The following MEGF10 variants were observed in gnomAD, a reference collection of about 807,000 sequenced individuals.
The protein encoded by MEGF10 is multiple epidermal growth factor-like domains protein 10.
Under a neutral mutation model 147.5 loss-of-function variants are expected in MEGF10, and 86 were observed. The observed-to-expected ratio is 0.58, with a 90% CI of 0.49 to 0.70. The LOEUF (loss-of-function observed/expected upper bound fraction) is 0.70. MEGF10 is among the 30% of genes least tolerant of loss of function. The pLI, the probability that MEGF10 is intolerant of heterozygous loss-of-function variation, is 0.00. For missense variants in MEGF10, 1,329 were observed against 1,487.3 expected, an observed-to-expected ratio of 0.89 and a Z score of 1.75; for synonymous variants, 478 against 525.5, an observed-to-expected ratio of 0.91 and a Z score of 1.24.
chr5:127,299,234 G>A (rs1759658389), intron 1 of MEGF10, among the ~76,000 whole-genome samples: 2 of 152,178 alleles, frequency 1.3e-5, no homozygotes, highest in Admixed American at 1.3e-4. Flanking sequence ...CCTAAATCAA[G>A]GTCTATGACT....
chr5:127,249,192 A>G, the MEGF10 span, among the ~76,000 whole-genome samples: 2 of 152,090 alleles, frequency 1.3e-5, no homozygotes, highest in Admixed American at 6.6e-5. Context: ...AAATGACAAT[A>G]GCATTACAAA....
chr5:127,294,423 G>T (rs1190499857), intron 1 of MEGF10, among the ~76,000 whole-genome samples: 2 of 152,142 alleles, frequency 1.3e-5, no homozygotes, highest in African/African-American at 4.8e-5. Flanking sequence ...AAGTGGTTGG[G>T]ACAGTATTGT....
At chr5:127,261,365 G>A in the MEGF10 span, among the ~76,000 whole-genome samples, 4 of 152,082 alleles carry the variant, frequency 2.6e-5, no homozygotes, top group Non-Finnish European at 4.4e-5. Context: ...ATAAGTGGCC[G>A]TTTGTAATGG....
chr5:127,427,185 A>G (rs964264826), intron 13 of MEGF10, among the ~76,000 whole-genome samples: 2 of 152,116 alleles, frequency 1.3e-5, no homozygotes, highest in African/African-American at 4.8e-5. Flanking sequence ...TGCCCTGGTG[A>G]CCCAGGCAGG....
At chr5:127,315,627 A>T (rs1760512827) in intron 1 of MEGF10, among the ~76,000 whole-genome samples, 1 of 152,264 alleles carries the variant, frequency 6.6e-6, no homozygotes, top group Middle Eastern at 3.4e-3. Context: ...TACAAAAATT[A>T]GCCAGGTGTG....
intron 9 of MEGF10, among the ~76,000 whole-genome samples, chr5:127,416,733 G>A (rs886939417): frequency 1.3e-5 from 2 of 152,146 alleles, no homozygotes; most frequent in African/African-American, 4.8e-5. Context: ...ACCCTCACTT[G>A]GCAGACTAGG....
intron 5 of MEGF10, among the ~76,000 whole-genome samples, chr5:127,395,162 G>A (rs865970591): frequency 3.3e-5 from 5 of 152,024 alleles, no homozygotes; most frequent in Admixed American, 6.6e-5. Flanking sequence ...TAAATATACC[G>A]CTGGCTCAGC....
intron 8 of MEGF10, among the ~76,000 whole-genome samples, chr5:127,406,400 C>A (rs1364105656): frequency 6.6e-6 from 1 of 152,172 alleles, no homozygotes; most frequent in African/African-American, 2.4e-5. Flanking sequence ...CAGCTGTTAT[C>A]CCTGTCTGGG....
chr5:127,407,274 C>T (rs1764369376), intron 8 of MEGF10, among the ~76,000 whole-genome samples: 1 of 152,268 alleles, frequency 6.6e-6, no homozygotes, highest in East Asian at 1.9e-4. Context: ...GTGATTCTTT[C>T]ACACTAAATC....
At chr5:127,356,787 G>C (rs1170314763) in intron 4 of MEGF10, among the ~76,000 whole-genome samples, 1 of 152,160 alleles carries the variant, frequency 6.6e-6, no homozygotes, top group African/African-American at 2.4e-5. Flanking sequence ...AGAATTCACT[G>C]TTGCATTATC....
At position 127,331,327 on chromosome 5, in the gene MEGF10, T is replaced by C. The variant is rs767314049; in HGVS notation, c.19T>C (p.Ser7Pro). 5.0e-6 allele frequency: 8 copies of C among 1,610,900 alleles called. No homozygotes were observed. The East Asian group carries it at 1.8e-4, about 36-fold the overall frequency. The change falls in exon 2 of 25, where the codon TCA (serine) becomes CCA (proline). Residue 7 changes from serine to proline, a missense_variant. By Grantham distance (74) the Ser-to-Pro change is moderately conservative (BLOSUM62 -1). Transcript: ENST00000503335. MVISLNSCLSFICLLLC... is the reference protein window; with the variant it reads MVISLNPCLSFICLLLC... ...GAAAAAAATGGTTATTTCTTTGAACTCATGCCTGAGCTTTATTTGTTTATT... is the reference window on the plus strand; with the variant it reads ...GAAAAAAATGGTTATTTCTTTGAACCCATGCCTGAGCTTTATTTGTTTATT...
chr5:127,308,632 A>G (rs187307866), intron 1 of MEGF10, among the ~76,000 whole-genome samples: 94 of 151,558 alleles, frequency 6.2e-4, no homozygotes, highest in Non-Finnish European at 1.1e-3. Context: ...CAAACACTGC[A>G]TGTTCTCACT....
chr5:127,415,351 A>C (rs897996858), intron 9 of MEGF10, among the ~76,000 whole-genome samples: 2 of 152,194 alleles, frequency 1.3e-5, no homozygotes, highest in Non-Finnish European at 2.9e-5. Context: ...TATATTAAAC[A>C]GTCTGGATTT....
intron 4 of MEGF10, among the ~76,000 whole-genome samples, chr5:127,369,399 G>A (rs1321208246): frequency 1.3e-5 from 2 of 152,160 alleles, no homozygotes; most frequent in Non-Finnish European, 2.9e-5. Context: ...CAGAAAAAGA[G>A]CAAGCAATTC....
chr5:127,346,717 T>C (rs1244047898), intron 4 of MEGF10, among the ~76,000 whole-genome samples: 2 of 152,164 alleles, frequency 1.3e-5, no homozygotes, highest in Non-Finnish European at 2.9e-5. Context: ...TTAGTTTAAT[T>C]AAGTCCCATC....
Position 127,295,252 on chromosome 5 carries a change from A to G in MEGF10, c.-19+4196A>G, listed in dbSNP as rs185277205. Among the ~76,000 whole-genome samples, 530 of 152,306 alleles carry G rather than the reference A, an allele frequency of 3.5e-3. 4 individuals are homozygous for G. Among genetic ancestry groups the G allele is most frequent in the Non-Finnish European group, 6.5e-3 (442 of 68,022 alleles). ...AATATATTATGAAATCTCTAATTATATCTTGCTATTTAGACACAGCATTCA... is the reference window on the plus strand; with the variant it reads ...AATATATTATGAAATCTCTAATTATGTCTTGCTATTTAGACACAGCATTCA... On this transcript the variant is annotated intron_variant, in intron 1 of 24. Coordinates refer to ENST00000503335, the MANE Select transcript of MEGF10 (RefSeq NM_001256545.2).
intron 14 of MEGF10, 35 bp downstream of exon 14, chr5:127,433,544 C>G: frequency 6.4e-7 from 1 of 1,563,052 alleles, no homozygotes; most frequent in South Asian, 1.2e-5. Flanking sequence ...TTCCACCTTC[C>G]CTTCCCTGGG....
rs192799506 is a variant in MEGF10, at chr5:127,373,936, G to A, written c.412+3934G>A. On this transcript the variant is annotated intron_variant, in intron 5 of 24. Transcript: ENST00000503335. The stretch of plus-strand genomic sequence containing the variant: ...TGGTACTATCCTAGCAGAACTTGCT[G>A]GAAATATGCCCTCTAGGACTTTTAT... 2.0e-3 allele frequency among the ~76,000 whole-genome samples: 309 copies of A among 152,284 alleles called. 2 individuals carry two copies. The highest frequency in any genetic ancestry group is 7.1e-3 in the African/African-American group (294 of 41,558).
intron 4 of MEGF10, among the ~76,000 whole-genome samples, chr5:127,344,437 A>G (rs762197792): frequency 2.0e-5 from 3 of 152,192 alleles, no homozygotes; most frequent in African/African-American, 4.8e-5. Flanking sequence ...ATTCTGATCA[A>G]TCGGTGATGA....
Sources: gnomAD v4.1 joint callset for allele counts (sites outside exome capture counted in the v4.1 genomes callset) on GRCh38, gnomAD v4.1.1 for gene constraint, MANE v1.5 for transcripts, NCBI Gene and HGNC (gene_info 2026-07-23, HGNC 2026-07-21) for gene names.